The following GRM7 variants were observed in gnomAD, a reference collection of about 807,000 sequenced individuals.
GRM7 encodes glutamate metabotropic receptor 7.
A neutral mutation model predicts 84.5 loss-of-function variants in GRM7; 35 were observed. The ratio of observed to expected loss-of-function variants is 0.41; its 90% CI spans 0.32 to 0.55. GRM7 has a LOEUF of 0.55. Among genes scored for constraint, GRM7 ranks in the 20% least tolerant of loss-of-function variants. GRM7 has a pLI of 0.19. For synonymous variants in GRM7, 487 were observed against 455.1 expected (o/e 1.07, Z -0.89); for missense variants, 1,003 against 1,194.6 (o/e 0.84, Z 2.36).
intron 1 of GRM7, among the ~76,000 whole-genome samples, chr3:6,932,465 A>G (rs1697537148): frequency 6.6e-6 from 1 of 152,170 alleles, no homozygotes; most frequent in Non-Finnish European, 1.5e-5. Flanking sequence ...GGGGACATGT[A>G]GTTATAGTGA....
At chr3:7,395,027 A>C (rs558810938) in intron 4 of GRM7, among the ~76,000 whole-genome samples, 48 of 124,860 alleles carry the variant, frequency 3.8e-4, no homozygotes, top group African/African-American at 1.4e-3. Context: ...AACAACAGTG[A>C]AACTCTGTCT....
chr3:7,612,210 A>T lies in GRM7; in HGVS notation c.2451+32853A>T, dbSNP rs113314486. On this transcript the variant is annotated intron_variant, in intron 8 of 9. Transcript: ENST00000357716. ...ATTCCAAAGGCATCAATACCAGCTC[A>T]TCACTTTTGGGTTACGTGCCCTTAG... Among the ~76,000 whole-genome samples, 94 of 152,344 alleles carry T rather than the reference A, an allele frequency of 6.2e-4. 2 individuals carry two copies. Among genetic ancestry groups the T allele is most frequent in the African/African-American group, 2.1e-3 (86 of 41,582 alleles).
chr3:7,631,106 AT>A (rs1412204518), intron 8 of GRM7, among the ~76,000 whole-genome samples: 1 of 152,188 alleles, frequency 6.6e-6, no homozygotes, highest in Non-Finnish European at 1.5e-5. Context: ...AACATTTGTC[AT>A]TTCAGCTGTG....
chr3:7,360,401 G>A (rs1693610319), intron 4 of GRM7, among the ~76,000 whole-genome samples: 1 of 124,828 alleles, frequency 8.0e-6, no homozygotes, highest in Non-Finnish European at 1.7e-5. Context: ...ATGAAACATG[G>A]CAAATAATTA....
intron 7 of GRM7, among the ~76,000 whole-genome samples, chr3:7,510,941 C>T (rs1700180598): frequency 6.6e-6 from 1 of 152,146 alleles, no homozygotes; most frequent in Non-Finnish European, 1.5e-5. Context: ...TATTTACTCC[C>T]AGGTCCTTTT....
chr3:7,134,709 C>T (rs1377407723), intron 1 of GRM7, among the ~76,000 whole-genome samples: 1 of 152,024 alleles, frequency 6.6e-6, no homozygotes, highest in Non-Finnish European at 1.5e-5. Context: ...AAAGGTGGTT[C>T]CTCAGGCAAA....
chr3:7,109,533 C>T (rs936506281), intron 1 of GRM7, among the ~76,000 whole-genome samples: 1 of 152,078 alleles, frequency 6.6e-6, no homozygotes, highest in African/African-American at 2.4e-5. Flanking sequence ...TAATCATTGC[C>T]AGTAGACTTA....
intron 7 of GRM7, among the ~76,000 whole-genome samples, chr3:7,463,813 T>G (rs1698351505): frequency 6.6e-6 from 1 of 152,200 alleles, no homozygotes; most frequent in Non-Finnish European, 1.5e-5. Flanking sequence ...CAACCCCTTG[T>G]ATGTCATGAT....
At chr3:6,889,736 G>T (rs139064468) in intron 1 of GRM7, among the ~76,000 whole-genome samples, 4,244 of 152,090 alleles carry the variant, frequency 0.028, 201 homozygotes, top group African/African-American at 0.095. Flanking sequence ...TCAGAATGAT[G>T]CTGGCCTCAG....
chr3:7,590,763 C>A (rs540600663), intron 8 of GRM7, among the ~76,000 whole-genome samples: 2 of 152,142 alleles, frequency 1.3e-5, no homozygotes, highest in Non-Finnish European at 2.9e-5. Context: ...AGACACATAT[C>A]ATGGCTTCCT....
At chr3:7,584,063 C>T (rs887853163) in intron 8 of GRM7, among the ~76,000 whole-genome samples, 2 of 152,056 alleles carry the variant, frequency 1.3e-5, no homozygotes, top group Admixed American at 6.6e-5. Context: ...GACAAGTGGA[C>T]TGAAATTTAG....
At chr3:7,673,450 A>C (rs753477037) in intron 8 of GRM7, among the ~76,000 whole-genome samples, 4 of 152,088 alleles carry the variant, frequency 2.6e-5, no homozygotes, top group Non-Finnish European at 4.4e-5. Context: ...GTTTCCCATG[A>C]AAAAACACAG....
intron 2 of GRM7, among the ~76,000 whole-genome samples, chr3:7,159,543 C>G (rs1392088373): frequency 6.6e-6 from 1 of 152,160 alleles, no homozygotes; most frequent in Non-Finnish European, 1.5e-5. Flanking sequence ...ATTCCTGCTT[C>G]CCACCTTCCC....
chr3:6,871,724 C>G (rs930092252), intron 1 of GRM7, among the ~76,000 whole-genome samples: 1 of 151,984 alleles, frequency 6.6e-6, no homozygotes, highest in Non-Finnish European at 1.5e-5. Context: ...TATTTTAACA[C>G]TATCATTATG....
chr3:7,283,946 G>A (rs1017354589), intron 2 of GRM7, among the ~76,000 whole-genome samples: 16 of 152,150 alleles, frequency 1.1e-4, no homozygotes, highest in Admixed American at 2.6e-4. Context: ...CAATTCAGAA[G>A]ATTAGGTGTT....
chr3:7,101,837 G>T (rs1004696971), intron 1 of GRM7, among the ~76,000 whole-genome samples: 2 of 148,042 alleles, frequency 1.4e-5, no homozygotes, highest in African/African-American at 4.9e-5. Flanking sequence ...ATATATAAAG[G>T]TATATGTATA....
chr3:6,868,231 A>G lies in GRM7; in HGVS notation c.519+6324A>G, dbSNP rs369128872. ...TGGTAAGTGGCAAAGTCTGGATTCA[A>G]ACTTGTCAGATTTGTCTGACAACAA... On this transcript the variant is annotated intron_variant, in intron 1 of 9. Coordinates refer to ENST00000357716, the MANE Select transcript of GRM7 (RefSeq NM_000844.4). Among the ~76,000 whole-genome samples, 119 of 152,310 alleles carry G rather than the reference A, an allele frequency of 7.8e-4. 1 individual carries two copies. The highest frequency in any genetic ancestry group is 2.8e-3 in the African/African-American group (118 of 41,568).
At chr3:6,994,658 T>C (rs1575109903) in intron 1 of GRM7, among the ~76,000 whole-genome samples, 1 of 152,228 alleles carries the variant, frequency 6.6e-6, no homozygotes, top group East Asian at 1.9e-4. Flanking sequence ...AGCTTTTTTT[T>C]CTTAGAGACA....
chr3:7,728,580 T>A (rs563418077), intron 9 of GRM7, among the ~76,000 whole-genome samples: 1 of 152,178 alleles, frequency 6.6e-6, no homozygotes, highest in Admixed American at 6.5e-5. Flanking sequence ...CAACCCAAGA[T>A]GGGTCCCAAG....
Sources: allele counts gnomAD v4.1 joint callset (sites outside exome capture counted in the v4.1 genomes callset), GRCh38; gene constraint gnomAD v4.1.1; transcripts MANE v1.5; gene names NCBI Gene and HGNC (gene_info 2026-07-23, HGNC 2026-07-21).